The following CNKSR3 variants were observed in gnomAD, a reference collection of about 807,000 sequenced individuals.
CNKSR3 encodes connector enhancer of kinase suppressor of ras 3.
In CNKSR3, 36 loss-of-function variants were observed where a neutral mutation model predicts 67.7. The observed-to-expected ratio is 0.53, with a 90% CI of 0.41 to 0.70. The LOEUF (loss-of-function observed/expected upper bound fraction) is 0.70, where lower values mean the gene tolerates loss of function less well. CNKSR3 is among the 30% of genes least tolerant of loss of function. CNKSR3 has a pLI of 0.00. For missense variants in CNKSR3, 630 were observed against 695.2 expected (o/e 0.91, Z 1.05); for synonymous variants, 281 against 271.4 (o/e 1.04, Z -0.35).
chr6:154,410,855 C>T, intron 11 of CNKSR3, 79 bp downstream of exon 11: 2 of 1,134,436 alleles, frequency 1.8e-6, no homozygotes, highest in South Asian at 1.5e-5. Flanking sequence ...CAAATTCATC[C>T]AACAGTTCCA....
At chr6:154,434,334 G>A (rs988803018) in intron 4 of CNKSR3, among the ~76,000 whole-genome samples, 12 of 151,936 alleles carry the variant, frequency 7.9e-5, no homozygotes, top group Admixed American at 2.0e-4. Context: ...AAAAAAAATC[G>A]ATACAACTAG....
At chr6:154,419,342 G>A (rs1471319752) in intron 9 of CNKSR3, among the ~76,000 whole-genome samples, 1 of 152,136 alleles carries the variant, frequency 6.6e-6, no homozygotes, top group Non-Finnish European at 1.5e-5. Context: ...CCTGCAGCCA[G>A]CCCCGAATAG....
chr6:154,498,475 A>G (rs1786920960), intron 1 of CNKSR3, among the ~76,000 whole-genome samples: 2 of 152,226 alleles, frequency 1.3e-5, no homozygotes, highest in African/African-American at 4.8e-5. Context: ...TGGAAACTTC[A>G]CATCCACAAT....
intron 1 of CNKSR3, among the ~76,000 whole-genome samples, chr6:154,459,794 C>T (rs1786040635): frequency 6.6e-6 from 1 of 152,132 alleles, no homozygotes; most frequent in Non-Finnish European, 1.5e-5. Context: ...ACATCCATGC[C>T]AGGATAATTT....
At chr6:154,439,501 C>A (rs73574935) in intron 4 of CNKSR3, among the ~76,000 whole-genome samples, 3,830 of 152,260 alleles carry the variant, frequency 0.025, 170 homozygotes, top group African/African-American at 0.088. Context: ...GGACCCTTCA[C>A]AATAAAACAC....
intron 1 of CNKSR3, among the ~76,000 whole-genome samples, chr6:154,501,592 T>C (rs1421491082): frequency 2.0e-5 from 3 of 152,116 alleles, no homozygotes; most frequent in Non-Finnish European, 4.4e-5. Context: ...CCCTTCTCCC[T>C]AATTTTCTGA....
chr6:154,480,715 C>T (rs1207542924), intron 1 of CNKSR3, among the ~76,000 whole-genome samples: 1 of 152,178 alleles, frequency 6.6e-6, no homozygotes, highest in Non-Finnish European at 1.5e-5. Flanking sequence ...AGAAGATATA[C>T]CACGTTCTTG....
At chr6:154,423,925 G>A (rs945720928) in intron 7 of CNKSR3, among the ~76,000 whole-genome samples, 26 of 151,928 alleles carry the variant, frequency 1.7e-4, no homozygotes, top group Non-Finnish European at 2.9e-4. Context: ...TACCATCACT[G>A]CAACAACAAT....
intron 1 of CNKSR3, among the ~76,000 whole-genome samples, chr6:154,471,365 C>A (rs761327425): frequency 1.3e-5 from 2 of 152,018 alleles, no homozygotes. Context: ...TGGTGAAACC[C>A]CATCTCTACT....
intron 12 of CNKSR3, among the ~76,000 whole-genome samples, chr6:154,408,187 G>A (rs752639033): frequency 1.8e-4 from 28 of 152,040 alleles, no homozygotes; most frequent in Non-Finnish European, 2.9e-4. Context: ...ACCACACCTG[G>A]CCAATTTTTG....
intron 5 of CNKSR3, 107 bp from the exon 6 acceptor site, chr6:154,430,698 G>A (rs1398945350): frequency 2.0e-5 from 22 of 1,115,704 alleles, no homozygotes; most frequent in Middle Eastern, 2.0e-4. Context: ...AGTTCTGGTT[G>A]GCAATCATTT....
In CNKSR3 at chr6:154,406,339, T is replaced by C. The variant is rs765250801; in HGVS notation, c.*15A>G. On this transcript the variant is annotated 3_prime_UTR_variant, in exon 13 of 13. Coordinates refer to ENST00000607772, the MANE Select transcript of CNKSR3 (RefSeq NM_173515.4). ...TGGGGCAGGAGCCAGGCAGGTGGCCTGAGCAGGGTCCCTCTCAGTGAGTCA... is the reference window on the plus strand; with the variant it reads ...TGGGGCAGGAGCCAGGCAGGTGGCCCGAGCAGGGTCCCTCTCAGTGAGTCA... The C allele has an allele frequency of 1.9e-6, 3 of 1,600,518 alleles. No individual in the cohort carries two copies. The highest frequency in any genetic ancestry group is 2.1e-4 in the Middle Eastern group (1 of 4,818).
At chr6:154,445,996 A>G (rs1785699772) in intron 2 of CNKSR3, among the ~76,000 whole-genome samples, 1 of 152,218 alleles carries the variant, frequency 6.6e-6, no homozygotes, top group African/African-American at 2.4e-5. Flanking sequence ...CCGAAAATAA[A>G]TAATTTCTCA....
At chr6:154,476,244 G>A (rs7751536) in intron 1 of CNKSR3, among the ~76,000 whole-genome samples, 7,860 of 152,106 alleles carry the variant, frequency 0.052, 321 homozygotes, top group African/African-American at 0.1. Flanking sequence ...ATCACCCGAG[G>A]TCAGGAGTTC....
chr6:154,436,650 G>A lies in CNKSR3; in HGVS notation c.508-3143C>T, dbSNP rs569053558. Among the ~76,000 whole-genome samples, 20 of 152,164 alleles carry A rather than the reference G, an allele frequency of 1.3e-4. No homozygotes were observed. The East Asian group carries it at 2.9e-3, about 22-fold the overall frequency. ...CCAGGTGTGCACCAACACATCTGGC[G>A]TCATTTTCCTATTTCTTTCCAGACT... On this transcript the variant is annotated intron_variant, in intron 4 of 12. Transcript: ENST00000607772.
In CNKSR3 at chr6:154,397,663, G is replaced by A. The variant is rs1185792284; in HGVS notation, c.*8691C>T. On this transcript the variant is annotated 3_prime_UTR_variant, in exon 13 of 13. Coordinates refer to ENST00000607772, the MANE Select transcript of CNKSR3 (RefSeq NM_173515.4). Reference sequence around the variant, plus strand: ...AGATGCATGCACAGGGCAGACAGTAGAGCCTGCAACTGTGATGGAATTAAC... The same window carrying A: ...AGATGCATGCACAGGGCAGACAGTAAAGCCTGCAACTGTGATGGAATTAAC... 1 of 150,882 alleles carries A rather than the reference G, an allele frequency of 6.6e-6. No homozygotes were observed. Among genetic ancestry groups the A allele is most frequent in the Non-Finnish European group, 1.5e-5 (1 of 67,766 alleles). 9.3% of individuals were successfully genotyped at this position (150,882 alleles called of 1,614,324 possible).
intron 1 of CNKSR3, among the ~76,000 whole-genome samples, chr6:154,471,124 C>T (rs915066100): frequency 6.6e-6 from 1 of 152,198 alleles, no homozygotes; most frequent in African/African-American, 2.4e-5. Flanking sequence ...TTCAGTCATT[C>T]AGTCATTCAA....
At chr6:154,446,518 T>C (rs1449666756) in intron 2 of CNKSR3, among the ~76,000 whole-genome samples, 2 of 152,166 alleles carry the variant, frequency 1.3e-5, no homozygotes, top group African/African-American at 4.8e-5. Flanking sequence ...TTTCTTCTCA[T>C]AAAAAAGATA....
At chr6:154,419,798 C>G (rs1026742960) in intron 9 of CNKSR3, among the ~76,000 whole-genome samples, 10 of 151,846 alleles carry the variant, frequency 6.6e-5, no homozygotes, top group African/African-American at 2.4e-4. Context: ...AGGAAATGCT[C>G]GTGGGGCATG....
Sources: allele counts gnomAD v4.1 joint callset (sites outside exome capture counted in the v4.1 genomes callset), GRCh38; gene constraint gnomAD v4.1.1; transcripts MANE v1.5; gene names NCBI Gene and HGNC (gene_info 2026-07-23, HGNC 2026-07-21).